The following NINL variants were observed in gnomAD, a reference collection of about 807,000 sequenced individuals.
The protein encoded by NINL is ninein-like protein.
NINL carries 153 observed loss-of-function variants against 160.3 expected under a neutral mutation model. That is an observed-to-expected ratio of 0.95 (90% CI 0.84 to 1.09). The LOEUF is 1.09. NINL is among the 50% of genes least tolerant of loss of function. The pLI is 0.00. For missense variants in NINL, 1,829 were observed against 1,764.0 expected (o/e 1.04, Z -0.66); for synonymous variants, 800 against 734.8 (o/e 1.09, Z -1.43).
chr20:25,472,324 G>GAGATATATATAT (rs1491225365), intron 17 of NINL, among the ~76,000 whole-genome samples: 3 of 83,956 alleles, frequency 3.6e-5, no homozygotes, highest in African/African-American at 8.5e-5. Context: ...GGGAGGAGAG[G>GAGATATATATAT]ATATATATAT....
chr20:25,478,914 T>C lies in NINL; in HGVS notation c.2201+9A>G. On this transcript the variant is annotated intron_variant, in intron 16 of 23. Coordinates refer to ENST00000278886, the MANE Select transcript of NINL (RefSeq NM_025176.6). ...CCAGACTTGAAATCTCAAAAGAAGC[T>C]GGCTGGACCTGATCTGCTGCAGGTG... is the stretch of plus-strand genomic sequence containing the variant. 2 of 1,496,382 alleles carry C rather than the reference T, an allele frequency of 1.3e-6. No individual in the cohort carries two copies. Among genetic ancestry groups the C allele is most frequent in the African/African-American group, 1.4e-5 (1 of 71,650 alleles). 92.7% of individuals were successfully genotyped at this position (1,496,382 alleles called of 1,614,324 possible). A position where few individuals can be genotyped will look rare whatever the true frequency, so the allele number is the denominator to read the frequency against.
chr20:25,476,525 C>A lies in NINL; in HGVS notation c.2766G>T (p.Glu922Asp). The change falls in exon 17 of 24, where the codon GAG (glutamate) becomes GAT (aspartate). Residue 922 changes from glutamate to aspartate, a missense_variant. Coordinates refer to ENST00000278886, the MANE Select transcript of NINL (RefSeq NM_025176.6). ...CTGCGCTCGCGCCGAAAGGCTCTGG[C>A]TCCTTTGGGACAATATCCCCATCCA... is the stretch of plus-strand genomic sequence containing the variant. ...CGVDGDIVPK[E>D]PEPFGASAAG... 1 of 1,601,196 alleles carries A rather than the reference C, an allele frequency of 6.2e-7. No individual in the cohort carries two copies. The highest frequency in any genetic ancestry group is 1.1e-5 in the South Asian group (1 of 91,034).
intron 11 of NINL, among the ~76,000 whole-genome samples, chr20:25,490,766 G>C (rs371736646): frequency 1.3e-5 from 2 of 152,088 alleles, no homozygotes; most frequent in South Asian, 4.1e-4. Flanking sequence ...AAGGCTGTTG[G>C]GGGGCTCAGG....
At position 25,526,416 on chromosome 20, in the gene NINL, A is replaced by G. The variant is rs370315251; in HGVS notation, c.172T>C (p.Phe58Leu). ...LLQTLLGNDHFARVNFEEFKE... is the reference protein window; with the variant it reads ...LLQTLLGNDHLARVNFEEFKE... Reference sequence around the variant, plus strand: ...TGAAGTCCAACACTCACCCTGGCGAAATGGTCGTTTCCGAGAAGCGTCTGC... The same window carrying G: ...TGAAGTCCAACACTCACCCTGGCGAGATGGTCGTTTCCGAGAAGCGTCTGC... Residue 58 changes from phenylalanine (F) to leucine (L), a missense_variant, in exon 2 of 24, where the codon TTC (phenylalanine) becomes CTC (leucine). By Grantham distance (22) the Phe-to-Leu change is conservative. Transcript: ENST00000278886. The G allele has an allele frequency of 8.7e-6, 14 of 1,610,630 alleles. No homozygotes were observed. The highest frequency in any genetic ancestry group is 1.2e-5 in the Non-Finnish European group (14 of 1,177,506).
chr20:25,513,404 G>A lies in NINL; in HGVS notation c.278-398C>T, dbSNP rs573985647. Among the ~76,000 whole-genome samples the A allele has an allele frequency of 5.9e-5, 9 of 152,194 alleles. No homozygotes were observed. In the South Asian group the frequency reaches 1.7e-3, roughly 28 times the overall value. On this transcript the variant is annotated intron_variant, in intron 3 of 23. Coordinates refer to ENST00000278886, the MANE Select transcript of NINL (RefSeq NM_025176.6). ...GACTCTCAGTATACTGAGTGAACAC[G>A]CTAAATGTCAAGTGACATTCCAGGC...
chr20:25,476,428 G>A lies in NINL; in HGVS notation c.2863C>T (p.Pro955Ser). ...CTCAGGGGTGGCTCCCACATCCGTG[G>A]CTGGGTTTGCGAGGCGTCTCTCTCT... ...GTERDASQTQ[P>S]RMWEPPLRPA... The change falls in exon 17 of 24, where the codon CCA becomes TCA. Residue 955 changes from proline to serine, a missense_variant. By Grantham distance (74) the Pro-to-Ser change is moderately conservative. Coordinates refer to ENST00000278886, the MANE Select transcript of NINL (RefSeq NM_025176.6). 1.9e-6 allele frequency: 3 copies of A among 1,609,396 alleles called. No individual in the cohort carries two copies. The highest frequency in any genetic ancestry group is 2.5e-6 in the Non-Finnish European group (3 of 1,179,860).
intron 11 of NINL, among the ~76,000 whole-genome samples, chr20:25,490,387 C>T (rs546705488): frequency 6.6e-6 from 1 of 152,082 alleles, no homozygotes; most frequent in South Asian, 2.1e-4. Context: ...GGTGAAACCC[C>T]ATCTCTACTA....
At chr20:25,561,981 A>T (rs1417576783) in intron 1 of NINL, among the ~76,000 whole-genome samples, 1 of 110,068 alleles carries the variant, frequency 9.1e-6, no homozygotes, top group Non-Finnish European at 1.9e-5. Context: ...CAGCCACCCC[A>T]TCCGGGAGGT....
intron 22 of NINL, among the ~76,000 whole-genome samples, chr20:25,456,966 C>CA (rs1355565018): frequency 6.6e-6 from 1 of 152,010 alleles, no homozygotes; most frequent in Non-Finnish European, 1.5e-5. Context: ...GAAATCAGCT[C>CA]AAATGTACAC....
At chr20:25,500,314 C>G (rs553890838) in intron 8 of NINL, among the ~76,000 whole-genome samples, 29 of 152,344 alleles carry the variant, frequency 1.9e-4, no homozygotes, top group Admixed American at 1.4e-3. Context: ...ATCTTCCCTC[C>G]CAGGCAGCCC....
chr20:25,573,205 G>C (rs755405250), intron 1 of NINL, among the ~76,000 whole-genome samples: 1 of 151,744 alleles, frequency 6.6e-6, no homozygotes, highest in Non-Finnish European at 1.5e-5. Flanking sequence ...GCTGAGGCAG[G>C]AGAATTGCTT....
In NINL at chr20:25,476,050, T is replaced by C. The variant is rs2063223850; in HGVS notation, c.3241A>G (p.Asn1081Asp). ...ALEKHVDLRE[N>D]DRLEFHRLSE... ...AATGAGTAGAAGGCAAACCTGTCGT[T>C]CTCTCTCAAATCTACATGTTTCTCC... The change falls in exon 17 of 24, where the codon AAC (asparagine) becomes GAC (aspartate). Residue 1081 changes from asparagine to aspartate, a missense_variant. Transcript: ENST00000278886. The C allele has an allele frequency of 6.2e-7, 1 of 1,612,214 alleles. No individual in the cohort carries two copies. Among genetic ancestry groups the C allele is most frequent in the Non-Finnish European group, 8.5e-7 (1 of 1,178,872 alleles).
intron 2 of NINL, among the ~76,000 whole-genome samples, chr20:25,519,324 A>G (rs1034473329): frequency 6.6e-6 from 1 of 152,130 alleles, no homozygotes; most frequent in South Asian, 2.1e-4. Context: ...CCCTCACAAA[A>G]TACTATTTTT....
At chr20:25,494,348 G>A (rs534355398) in intron 10 of NINL, among the ~76,000 whole-genome samples, 231 of 150,862 alleles carry the variant, frequency 1.5e-3, no homozygotes, top group African/African-American at 5.2e-3. Context: ...CACCACATGA[G>A]TCCCACATAC....
chr20:25,482,207 G>T, intron 13 of NINL, 107 bp from the exon 14 acceptor site: 2 of 1,288,432 alleles, frequency 1.6e-6, no homozygotes, highest in Non-Finnish European at 2.1e-6. Context: ...GGTGCACTGT[G>T]AGGTGAGGGC....
chr20:25,564,298 C>T (rs1002042170), intron 1 of NINL, among the ~76,000 whole-genome samples: 1 of 151,916 alleles, frequency 6.6e-6, no homozygotes, highest in African/African-American at 2.4e-5. Flanking sequence ...TACAGGCCTA[C>T]TCTACCACAC....
At chr20:25,491,860 G>A (rs2063648860) in intron 10 of NINL, among the ~76,000 whole-genome samples, 1 of 152,198 alleles carries the variant, frequency 6.6e-6, no homozygotes, top group Non-Finnish European at 1.5e-5. Context: ...ACAGCCCTTT[G>A]ATAAAGACTT....
intron 1 of NINL, among the ~76,000 whole-genome samples, chr20:25,584,568 A>C (rs1438731215): frequency 6.6e-6 from 1 of 152,240 alleles, no homozygotes; most frequent in Non-Finnish European, 1.5e-5. Context: ...AAAGGCCGCT[A>C]AGAAACTTAC....
intron 1 of NINL, among the ~76,000 whole-genome samples, chr20:25,528,638 G>T (rs1474275901): frequency 6.6e-6 from 1 of 152,012 alleles, no homozygotes; most frequent in Non-Finnish European, 1.5e-5. Context: ...GAACACTTTT[G>T]TAAGTAGAAA....
Sources: allele counts gnomAD v4.1 joint callset (sites outside exome capture counted in the v4.1 genomes callset), GRCh38; gene constraint gnomAD v4.1.1; transcripts MANE v1.5; gene names NCBI Gene and HGNC (gene_info 2026-07-23, HGNC 2026-07-21).